The following ERBB4 variants were observed in gnomAD, a reference collection of about 807,000 sequenced individuals.
The protein encoded by ERBB4 is erb-b2 receptor tyrosine kinase 4.
A neutral mutation model predicts 158.0 loss-of-function variants in ERBB4; 42 were observed. The observed-to-expected ratio is 0.27, with a 90% CI of 0.21 to 0.34. The LOEUF is 0.34. Among genes scored for constraint, ERBB4 ranks in the 10% least tolerant of loss-of-function variants. ERBB4 has a pLI of 1.00. For synonymous variants in ERBB4, 583 were observed against 558.7 expected (o/e 1.04, Z -0.61); for missense variants, 1,333 against 1,624.1 (o/e 0.82, Z 3.08).
At position 212,174,537 on chromosome 2, in the gene ERBB4, A is replaced by T. The variant is rs2081605212; in HGVS notation, c.83-49634T>A. Reference sequence around the variant, plus strand: ...AAAGCATGATGTGTTCAAATGTGTTATTCCTTCTAGGATGATTCCTCTTTG... The same window carrying T: ...AAAGCATGATGTGTTCAAATGTGTTTTTCCTTCTAGGATGATTCCTCTTTG... On this transcript the variant is annotated intron_variant, in intron 1 of 27. Transcript: ENST00000342788. Among the ~76,000 whole-genome samples the T allele has an allele frequency of 3.9e-5, 6 of 152,220 alleles. No individual in the cohort carries two copies. In the South Asian group the frequency reaches 1.2e-3, roughly 32 times the overall value.
chr2:211,736,797 A>G (rs1047355650), intron 5 of ERBB4, among the ~76,000 whole-genome samples: 1 of 152,126 alleles, frequency 6.6e-6, no homozygotes, highest in African/African-American at 2.4e-5. Flanking sequence ...TTTCTCCTAC[A>G]TGGCAGTATA....
intron 14 of ERBB4, among the ~76,000 whole-genome samples, chr2:211,669,229 A>G (rs1038383375): frequency 1.7e-4 from 25 of 150,902 alleles, no homozygotes; most frequent in Non-Finnish European, 3.4e-4. Context: ...AAAAAAAAAA[A>G]AAAAAAAAAG....
At position 211,543,776 on chromosome 2, in the gene ERBB4, C is replaced by A. The variant is rs112024261; in HGVS notation, c.2487+18127G>T. On this transcript the variant is annotated intron_variant, in intron 20 of 27. Coordinates refer to ENST00000342788, the MANE Select transcript of ERBB4 (RefSeq NM_005235.3). ...ACTCTAGCAGGCGCTGCTGTAATAT[C>A]TTGAATCTGATTTAAAAGAAGTTTT... is the stretch of plus-strand genomic sequence containing the variant. Among the ~76,000 whole-genome samples, 1,347 of 142,210 alleles carry A rather than the reference C, an allele frequency of 9.5e-3. 19 individuals are homozygous for A. The highest frequency in any genetic ancestry group is 0.031 in the African/African-American group (1,276 of 40,638). The allele number at this position is 142,210 out of a possible 152,430, so 93.3% of individuals were successfully genotyped here.
chr2:212,049,366 C>A (rs1343849782), intron 2 of ERBB4, among the ~76,000 whole-genome samples: 1 of 151,826 alleles, frequency 6.6e-6, no homozygotes, highest in African/African-American at 2.4e-5. Flanking sequence ...AATTAATTTT[C>A]ATAGTTTTGT....
intron 20 of ERBB4, among the ~76,000 whole-genome samples, chr2:211,466,872 CCTCT>C (rs897875528): frequency 2.0e-5 from 3 of 151,038 alleles, no homozygotes; most frequent in Admixed American, 6.6e-5. Flanking sequence ...TATCAGTTTT[CCTCT>C]CTCTCTCTCT....
chr2:211,698,902 A>T (rs1323920656), intron 12 of ERBB4, among the ~76,000 whole-genome samples: 1 of 152,222 alleles, frequency 6.6e-6, no homozygotes, highest in Admixed American at 6.5e-5. Flanking sequence ...AAAATATTCT[A>T]GCTTTTCATG....
At chr2:211,774,381 A>C (rs2075819877) in intron 4 of ERBB4, among the ~76,000 whole-genome samples, 1 of 152,016 alleles carries the variant, frequency 6.6e-6, no homozygotes, top group Admixed American at 6.6e-5. Flanking sequence ...CAAGCAGTTT[A>C]AAATTTTTAA....
intron 2 of ERBB4, among the ~76,000 whole-genome samples, chr2:212,029,902 ATT>A (rs1404164035): frequency 1.3e-5 from 2 of 152,104 alleles, no homozygotes; most frequent in African/African-American, 4.8e-5. Context: ...AAGCCTTCTC[ATT>A]TGCCTCGTAT....
chr2:211,472,666 A>G (rs2064856517), intron 20 of ERBB4, among the ~76,000 whole-genome samples: 1 of 151,520 alleles, frequency 6.6e-6, no homozygotes, highest in Non-Finnish European at 1.5e-5. Context: ...CTCTCTAATC[A>G]CCTTTTACTT....
chr2:211,793,514 A>G (rs1559524236), intron 3 of ERBB4, among the ~76,000 whole-genome samples: 1 of 151,988 alleles, frequency 6.6e-6, no homozygotes, highest in Non-Finnish European at 1.5e-5. Flanking sequence ...ATCAAAATCC[A>G]AGGCAGCAAA....
At chr2:212,098,614 A>G (rs565853408) in intron 2 of ERBB4, among the ~76,000 whole-genome samples, 23 of 152,288 alleles carry the variant, frequency 1.5e-4, no homozygotes, top group African/African-American at 5.1e-4. Context: ...GGCATGCTTT[A>G]TAAAAAGAAG....
chr2:211,580,837 T>TATATATATATATAATA (rs376463638), intron 19 of ERBB4, among the ~76,000 whole-genome samples: 1 of 69,314 alleles, frequency 1.4e-5, no homozygotes, highest in African/African-American at 5.8e-5. Flanking sequence ...TATATATAGA[T>TATATATATATATAATA]TATATATTAT....
chr2:211,983,229 G>A (rs1384280832), intron 2 of ERBB4, among the ~76,000 whole-genome samples: 1 of 152,150 alleles, frequency 6.6e-6, no homozygotes, highest in East Asian at 1.9e-4. Context: ...ATGGATGGAG[G>A]CAGAGGCAGT....
intron 19 of ERBB4, among the ~76,000 whole-genome samples, chr2:211,570,150 T>G (rs1192234699): frequency 6.6e-6 from 1 of 152,018 alleles, no homozygotes; most frequent in East Asian, 1.9e-4. Flanking sequence ...GTGTTTTTTA[T>G]GTTTTATTAT....
intron 1 of ERBB4, among the ~76,000 whole-genome samples, chr2:212,220,487 A>C (rs1018900729): frequency 2.0e-5 from 3 of 151,418 alleles, no homozygotes; most frequent in Non-Finnish European, 4.4e-5. Flanking sequence ...AATTCTGATG[A>C]TTTTAGCAGA....
intron 20 of ERBB4, among the ~76,000 whole-genome samples, chr2:211,435,283 TAGG>T (rs1162942572): frequency 2.6e-5 from 4 of 152,166 alleles, no homozygotes; most frequent in East Asian, 3.9e-4. Context: ...TTGAGTAAAT[TAGG>T]AGAAGAATAA....
At chr2:211,640,603 T>C (rs2125892909) in intron 16 of ERBB4, among the ~76,000 whole-genome samples, 1 of 152,298 alleles carries the variant, frequency 6.6e-6, no homozygotes, top group Non-Finnish European at 1.5e-5. Context: ...AAGCCTAGAC[T>C]CTTAGTATAT....
intron 1 of ERBB4, among the ~76,000 whole-genome samples, chr2:212,342,221 A>T (rs1043034165): frequency 6.6e-6 from 1 of 152,332 alleles, no homozygotes; most frequent in East Asian, 1.9e-4. Flanking sequence ...CAAGCAACAT[A>T]AATGATATGA....
At chr2:211,856,858 T>C (rs1325502845) in intron 3 of ERBB4, among the ~76,000 whole-genome samples, 1 of 152,138 alleles carries the variant, frequency 6.6e-6, no homozygotes, top group East Asian at 1.9e-4. Flanking sequence ...TTTTCAACAA[T>C]ATGATAGAAA....
Sources: allele counts gnomAD v4.1 joint callset (sites outside exome capture counted in the v4.1 genomes callset), GRCh38; gene constraint gnomAD v4.1.1; transcripts MANE v1.5; gene names NCBI Gene and HGNC (gene_info 2026-07-23, HGNC 2026-07-21).